The following PPFIA2 variants were observed in gnomAD, a reference collection of about 807,000 sequenced individuals.
PPFIA2 encodes PPFI scaffold protein A2, also known as liprin-alpha-2.
In PPFIA2, 46 loss-of-function variants were observed where a neutral mutation model predicts 175.5. The ratio of observed to expected loss-of-function variants is 0.26; its 90% CI spans 0.21 to 0.34. PPFIA2 has a LOEUF of 0.34. Ranked by LOEUF, PPFIA2 falls within the 10% of genes least tolerant of loss-of-function variation. The pLI is 1.00. For synonymous variants in PPFIA2, 568 were observed against 511.4 expected, an observed-to-expected ratio of 1.11 and a Z score of -1.49; for missense variants, 1,179 against 1,506.1, an observed-to-expected ratio of 0.78 and a Z score of 3.60.
intron 4 of PPFIA2, among the ~76,000 whole-genome samples, chr12:81,462,240 C>T (rs753971353): frequency 7.8e-6 from 1 of 127,986 alleles, no homozygotes; most frequent in Non-Finnish European, 1.7e-5. Flanking sequence ...TTATTGTCTG[C>T]CATGCTTTTC....
chr12:81,348,651 G>A (rs924406260), intron 17 of PPFIA2, among the ~76,000 whole-genome samples: 3 of 151,990 alleles, frequency 2.0e-5, no homozygotes, highest in Admixed American at 6.6e-5. Flanking sequence ...CAGGAGAATC[G>A]CTTGAACCCG....
At chr12:81,270,564 G>A (rs1426990493) in intron 28 of PPFIA2, 1 of 152,154 alleles carries the variant, frequency 6.6e-6, no homozygotes, top group East Asian at 1.9e-4. Context: ...CAGGGATCGT[G>A]GCGATGTTCC....
chr12:81,399,614 C>T (rs2142640342), intron 8 of PPFIA2, among the ~76,000 whole-genome samples: 1 of 152,210 alleles, frequency 6.6e-6, no homozygotes, highest in South Asian at 2.1e-4. Flanking sequence ...ATGGAAGATC[C>T]TAACCTTACT....
At chr12:81,712,248 CAA>C (rs2078033218) in intron 3 of PPFIA2, among the ~76,000 whole-genome samples, 1 of 151,060 alleles carries the variant, frequency 6.6e-6, no homozygotes, top group South Asian at 2.1e-4. Context: ...GAATTTTAAA[CAA>C]AAGTCTATAA....
chr12:81,284,350 G>A, intron 24 of PPFIA2, 47 bp from the exon 25 acceptor site: 1 of 1,391,344 alleles, frequency 7.2e-7, no homozygotes, highest in African/African-American at 1.4e-5. Flanking sequence ...TGGGAGGCAA[G>A]CAGTGGTAAA....
At chr12:81,648,621 T>C (rs2066537647) in intron 4 of PPFIA2, among the ~76,000 whole-genome samples, 1 of 152,004 alleles carries the variant, frequency 6.6e-6, no homozygotes, top group South Asian at 2.1e-4. Flanking sequence ...CAGGGTTTTT[T>C]CTTTTTTTGT....
chr12:81,751,413 CTTT>C (rs10717907), intron 3 of PPFIA2, among the ~76,000 whole-genome samples: 3 of 147,088 alleles, frequency 2.0e-5, no homozygotes. Context: ...TATTTACAGT[CTTT>C]TTTTTTTTTT....
At chr12:81,629,281 G>A (rs998587174) in intron 4 of PPFIA2, among the ~76,000 whole-genome samples, 1 of 152,112 alleles carries the variant, frequency 6.6e-6, no homozygotes, top group African/African-American at 2.4e-5. Context: ...AATTTAAAAT[G>A]TAGGAATCAT....
At chr12:81,736,578 G>A (rs2081604449) in intron 3 of PPFIA2, among the ~76,000 whole-genome samples, 2 of 151,890 alleles carry the variant, frequency 1.3e-5, no homozygotes, top group Non-Finnish European at 2.9e-5. Context: ...AGGAAACGCC[G>A]GAGGAAGTAA....
intron 4 of PPFIA2, among the ~76,000 whole-genome samples, chr12:81,636,162 C>T (rs1484009226): frequency 1.3e-5 from 2 of 151,668 alleles, no homozygotes; most frequent in African/African-American, 2.4e-5. Context: ...GCTTTTGATC[C>T]TATCTCATAC....
At chr12:81,355,451 T>C (rs1030615141) in intron 16 of PPFIA2, among the ~76,000 whole-genome samples, 1 of 152,192 alleles carries the variant, frequency 6.6e-6, no homozygotes, top group Non-Finnish European at 1.5e-5. Context: ...TTACAGTCAC[T>C]AGCTGCATTC....
chr12:81,433,191 C>T (rs929646973), intron 7 of PPFIA2, among the ~76,000 whole-genome samples: 1 of 152,112 alleles, frequency 6.6e-6, no homozygotes, highest in Non-Finnish European at 1.5e-5. Context: ...TGCAACATTC[C>T]TTATTCTTGA....
chr12:81,755,080 G>A (rs183149713), intron 2 of PPFIA2, among the ~76,000 whole-genome samples: 35 of 152,100 alleles, frequency 2.3e-4, no homozygotes, highest in Non-Finnish European at 3.7e-4. Flanking sequence ...CAAATATTCC[G>A]CAAAACAGAT....
At chr12:81,420,345 A>C (rs1405392775) in intron 7 of PPFIA2, among the ~76,000 whole-genome samples, 1 of 152,180 alleles carries the variant, frequency 6.6e-6, no homozygotes. Context: ...ATGGAGAATA[A>C]TAAGTTGCCT....
chr12:81,507,964 G>C (rs1272700016), intron 4 of PPFIA2, among the ~76,000 whole-genome samples: 1 of 151,890 alleles, frequency 6.6e-6, no homozygotes, highest in African/African-American at 2.4e-5. Context: ...TGTGCTATTT[G>C]TTTTCTTAGT....
At chr12:81,661,625 CA>C (rs1288273486) in intron 4 of PPFIA2, among the ~76,000 whole-genome samples, 1 of 152,140 alleles carries the variant, frequency 6.6e-6, no homozygotes, top group Non-Finnish European at 1.5e-5. Context: ...CCACTGTCAA[CA>C]TTAGACAGAT....
chr12:81,601,770 T>C lies in PPFIA2; in HGVS notation c.303+75021A>G, dbSNP rs143432891. ...GTTTGTACCCTTAGGTACATACAGT[T>C]TGAAAAACTATGAAGCCTCTCTTTG... On this transcript the variant is annotated intron_variant, in intron 4 of 32. Coordinates refer to ENST00000549396, the MANE Select transcript of PPFIA2 (RefSeq NM_003625.5). Among the ~76,000 whole-genome samples the C allele has an allele frequency of 2.0e-5, 3 of 151,972 alleles. No individual in the cohort carries two copies. The East Asian group carries it at 5.8e-4, about 29-fold the overall frequency.
chr12:81,494,930 C>T (rs1443511666), intron 4 of PPFIA2, among the ~76,000 whole-genome samples: 2 of 118,764 alleles, frequency 1.7e-5, no homozygotes, highest in Non-Finnish European at 3.3e-5. Flanking sequence ...AACATCACAC[C>T]CTGGGGACTG....
At chr12:81,701,955 C>T (rs1345411382) in intron 3 of PPFIA2, among the ~76,000 whole-genome samples, 36 of 147,402 alleles carry the variant, frequency 2.4e-4, no homozygotes, top group Admixed American at 2.3e-3. Context: ...AAAGTGGCTG[C>T]AACTTAGATT....
Sources: allele counts gnomAD v4.1 joint callset (sites outside exome capture counted in the v4.1 genomes callset), GRCh38; gene constraint gnomAD v4.1.1; transcripts MANE v1.5; gene names NCBI Gene and HGNC (gene_info 2026-07-23, HGNC 2026-07-21).